The following SUFU variants were observed in gnomAD, a reference collection of about 807,000 sequenced individuals.
SUFU encodes the protein suppressor of fused homolog.
In SUFU, 7 loss-of-function variants were observed where a neutral mutation model predicts 58.9. The ratio of observed to expected loss-of-function variants is 0.12; its 90% confidence interval spans 0.07 to 0.22. The LOEUF is 0.22. Ranked by LOEUF, SUFU falls within the 10% of genes least tolerant of loss-of-function variation. SUFU has a pLI of 1.00. For synonymous variants in SUFU, 232 were observed against 254.8 expected (o/e 0.91, Z 0.85); for missense variants, 451 against 641.3 (o/e 0.70, Z 3.20).
chr10:102,515,830 A>G (rs1380339335), intron 2 of SUFU, among the ~76,000 whole-genome samples: 1 of 152,146 alleles, frequency 6.6e-6, no homozygotes, highest in African/African-American at 2.4e-5. Context: ...ATTGGGGGGC[A>G]CACCTCCCTG....
intron 8 of SUFU, among the ~76,000 whole-genome samples, chr10:102,614,929 A>C (rs2063669596): frequency 6.6e-6 from 1 of 151,904 alleles, no homozygotes; most frequent in South Asian, 2.1e-4. Context: ...GCTTTATAGA[A>C]TCAGACCTGC....
chr10:102,558,500 T>G (rs978713970), intron 3 of SUFU, among the ~76,000 whole-genome samples: 1 of 152,214 alleles, frequency 6.6e-6, no homozygotes, highest in Non-Finnish European at 1.5e-5. Flanking sequence ...TGCGAGCCAC[T>G]GCGCCCAGCC....
chr10:102,509,039 C>T, intron 1 of SUFU, 130 bp from the exon 2 acceptor site: 1 of 1,260,384 alleles, frequency 7.9e-7, no homozygotes, highest in Non-Finnish European at 1.2e-6. Context: ...GAGATGTGGC[C>T]TCTGTTTAGT....
chr10:102,609,592 T>G (rs1311635832), intron 8 of SUFU, among the ~76,000 whole-genome samples: 3 of 152,214 alleles, frequency 2.0e-5, no homozygotes, highest in African/African-American at 7.2e-5. Flanking sequence ...GAGTAACATT[T>G]ATCAGTGGCA....
intron 6 of SUFU, 131 bp from the exon 7 acceptor site, chr10:102,597,009 C>G (rs972348564): frequency 2.7e-6 from 3 of 1,092,542 alleles, no homozygotes; most frequent in African/African-American, 3.1e-5. Context: ...AGATCCTGCT[C>G]TCCAGCATTT....
intron 2 of SUFU, among the ~76,000 whole-genome samples, chr10:102,544,598 C>T (rs2062834865): frequency 6.6e-6 from 1 of 152,012 alleles, no homozygotes; most frequent in Non-Finnish European, 1.5e-5. Context: ...ACTTGGGAGG[C>T]TGAGGCAGGA....
At chr10:102,587,823 C>T (rs762143820) in intron 3 of SUFU, among the ~76,000 whole-genome samples, 6 of 152,114 alleles carry the variant, frequency 3.9e-5, no homozygotes, top group Non-Finnish European at 7.4e-5. Context: ...TTGATGAAGT[C>T]TAATTTACCT....
chr10:102,626,686 T>C (rs934678476), intron 10 of SUFU, among the ~76,000 whole-genome samples: 3 of 152,164 alleles, frequency 2.0e-5, no homozygotes, highest in African/African-American at 7.2e-5. Context: ...TGGATGTACC[T>C]TCCAGGGCAC....
intron 3 of SUFU, among the ~76,000 whole-genome samples, chr10:102,551,798 C>T (rs1481904322): frequency 7.3e-6 from 1 of 136,088 alleles, no homozygotes; most frequent in Non-Finnish European, 1.5e-5. Context: ...GATCTCGGCT[C>T]ACTACAAGCT....
chr10:102,575,276 A>T (rs1360816303), intron 3 of SUFU, among the ~76,000 whole-genome samples: 1 of 152,188 alleles, frequency 6.6e-6, no homozygotes, highest in Non-Finnish European at 1.5e-5. Flanking sequence ...GTTGCCAGCC[A>T]AGGATGGCTC....
At chr10:102,537,988 A>G (rs2062760730) in intron 2 of SUFU, among the ~76,000 whole-genome samples, 1 of 152,220 alleles carries the variant, frequency 6.6e-6, no homozygotes, top group African/African-American at 2.4e-5. Context: ...TGTTTTCCAT[A>G]GCAGCTGTAT....
At position 102,619,224 on chromosome 10, in the gene SUFU, T is replaced by C. The variant is rs2063718883; in HGVS notation, c.1296+1796T>C. The C allele has an allele frequency of 1.9e-6, 3 of 1,545,292 alleles. No individual in the cohort carries two copies. The highest frequency in any genetic ancestry group is 2.6e-6 in the Non-Finnish European group (3 of 1,149,696). ...TGCCCCTCAGTCCCCTGAATGCCCTTCGGACCCAACCCCAATTCCCCAAGC... is the reference window on the plus strand; with the variant it reads ...TGCCCCTCAGTCCCCTGAATGCCCTCCGGACCCAACCCCAATTCCCCAAGC... On this transcript the variant is annotated intron_variant, in intron 10 of 11. Coordinates refer to ENST00000369902, the MANE Select transcript of SUFU (RefSeq NM_016169.4). The surrounding 1 kb of genome is among the most constrained non-coding windows in gnomAD (Gnocchi z 4.2).
chr10:102,624,832 G>A (rs2063772010), intron 10 of SUFU, among the ~76,000 whole-genome samples: 1 of 152,172 alleles, frequency 6.6e-6, no homozygotes, highest in African/African-American at 2.4e-5. Flanking sequence ...GGTGGCCACA[G>A]CCTCTGTGAA....
At chr10:102,620,010 G>A (rs1405434094) in intron 10 of SUFU, among the ~76,000 whole-genome samples, 2 of 152,228 alleles carry the variant, frequency 1.3e-5, no homozygotes, top group African/African-American at 2.4e-5. Flanking sequence ...CCAGGGTTCC[G>A]AGGTGTCTTC....
intron 7 of SUFU, among the ~76,000 whole-genome samples, chr10:102,598,164 T>A (rs891294184): frequency 6.6e-6 from 1 of 152,204 alleles, no homozygotes; most frequent in African/African-American, 2.4e-5. Context: ...CTTTCTTTTT[T>A]TTTTTCTTTG....
chr10:102,627,684 G>A (rs898938286), intron 11 of SUFU, among the ~76,000 whole-genome samples: 6 of 152,262 alleles, frequency 3.9e-5, no homozygotes, highest in Middle Eastern at 3.4e-3. Context: ...TCCTGCTCTC[G>A]CCTCGGGCCA....
chr10:102,533,918 G>C (rs1289760096), intron 2 of SUFU, among the ~76,000 whole-genome samples: 2 of 150,856 alleles, frequency 1.3e-5, no homozygotes, highest in Non-Finnish European at 2.9e-5. Flanking sequence ...CTACCACAGT[G>C]GTGCTCTTCT....
chr10:102,517,305 AAAAC>A (rs577094060), intron 2 of SUFU, among the ~76,000 whole-genome samples: 27 of 152,210 alleles, frequency 1.8e-4, no homozygotes, highest in South Asian at 1.7e-3. Flanking sequence ...AAAACAAAGC[AAAAC>A]AAACAAACAA....
chr10:102,582,381 C>G (rs867842230), intron 3 of SUFU, among the ~76,000 whole-genome samples: 38 of 152,298 alleles, frequency 2.5e-4, no homozygotes, highest in Middle Eastern at 6.8e-3. Flanking sequence ...AAAGGCAGCA[C>G]TATTTTACAA....
Sources: allele counts gnomAD v4.1 joint callset (sites outside exome capture counted in the v4.1 genomes callset), GRCh38; gene constraint gnomAD v4.1.1; non-coding constraint Gnocchi (gnomAD v3.1); transcripts MANE v1.5; gene names NCBI Gene and HGNC (gene_info 2026-07-23, HGNC 2026-07-21).